Variants in CDK19 observed in about 807,000 individuals in gnomAD.
The protein encoded by CDK19 is cyclin-dependent kinase 19.
In CDK19, 20 loss-of-function variants were observed where a neutral mutation model predicts 68.3. The ratio of observed to expected loss-of-function variants is 0.29; its 90% CI spans 0.21 to 0.43. The LOEUF (loss-of-function observed/expected upper bound fraction) is 0.43. Among genes scored for constraint, CDK19 ranks in the 20% least tolerant of loss-of-function variants. CDK19 has a pLI of 1.00. For missense variants in CDK19, 339 were observed against 623.5 expected, an observed-to-expected ratio of 0.54 and a Z score of 4.86; for synonymous variants, 221 against 222.8, an observed-to-expected ratio of 0.99 and a Z score of 0.07.
rs1002809745 is a variant in CDK19, at chr6:110,614,050, A to G, written c.*485T>C. The stretch of plus-strand genomic sequence containing the variant: ...TGTTTAAGACTTCCATGAGCAGAAC[A>G]GTTATTGTCTGTGAAAACGTAGTGC... On this transcript the variant is annotated 3_prime_UTR_variant, in exon 13 of 13. Coordinates refer to ENST00000368911, the MANE Select transcript of CDK19 (RefSeq NM_015076.5). 5.9e-5 allele frequency: 9 copies of G among 152,992 alleles called. No individual in the cohort carries two copies. The highest frequency in any genetic ancestry group is 2.2e-4 in the African/African-American group (9 of 41,466). 9.5% of individuals were successfully genotyped at this position (152,992 alleles called of 1,614,324 possible).
At chr6:110,791,027 C>T (rs894989554) in intron 1 of CDK19, among the ~76,000 whole-genome samples, 7 of 151,828 alleles carry the variant, frequency 4.6e-5, no homozygotes, top group African/African-American at 1.4e-4. Flanking sequence ...AAAAATTAGC[C>T]GGGCATGGTG....
chr6:110,796,746 C>T (rs745540033), intron 1 of CDK19, among the ~76,000 whole-genome samples: 14 of 150,538 alleles, frequency 9.3e-5, no homozygotes, highest in African/African-American at 1.2e-4. Context: ...CGGTGACTCA[C>T]GCCTGTAATC....
In CDK19 at chr6:110,612,895, T is replaced by C. The variant is rs1165337816; in HGVS notation, c.*1640A>G. 1.3e-5 allele frequency: 2 copies of C among 152,670 alleles called. No individual in the cohort carries two copies. The highest frequency in any genetic ancestry group is 2.4e-5 in the African/African-American group (1 of 41,464). 9.5% of individuals were successfully genotyped at this position (152,670 alleles called of 1,614,324 possible). On this transcript the variant is annotated 3_prime_UTR_variant, in exon 13 of 13. Coordinates refer to ENST00000368911, the MANE Select transcript of CDK19 (RefSeq NM_015076.5). ...AGTATCACATCAATAGTGCAAAATG[T>C]ATACTGGCTTCTGTCTAATCTTATT...
At chr6:110,758,938 T>C (rs1236382380) in intron 1 of CDK19, among the ~76,000 whole-genome samples, 3 of 151,316 alleles carry the variant, frequency 2.0e-5, no homozygotes, top group East Asian at 2.0e-4. Flanking sequence ...ATCTCAAATA[T>C]AAATATCAAT....
intron 3 of CDK19, among the ~76,000 whole-genome samples, chr6:110,668,398 T>C (rs1782078910): frequency 6.6e-6 from 1 of 152,228 alleles, no homozygotes; most frequent in Admixed American, 6.5e-5. Flanking sequence ...TATACAGCTT[T>C]TTTATTTTTA....
chr6:110,815,590 G>GC (rs112089514), upstream of CDK19: 4,322 of 153,988 alleles, frequency 0.028, 85 homozygotes, highest in South Asian at 0.08. Flanking sequence ...CCACAGCCTC[G>GC]CCCCCACAAA....
At chr6:110,783,961 A>G (rs1583093320) in intron 1 of CDK19, among the ~76,000 whole-genome samples, 2 of 152,010 alleles carry the variant, frequency 1.3e-5, no homozygotes. Context: ...GGAGTTCGAG[A>G]CCAGCCTGGC....
intron 2 of CDK19, among the ~76,000 whole-genome samples, chr6:110,711,680 A>G (rs1463133374): frequency 6.6e-6 from 1 of 151,782 alleles, no homozygotes; most frequent in East Asian, 1.9e-4. Context: ...TAAATAGATT[A>G]CAATGGGTTG....
chr6:110,623,447 C>T (rs987293365), intron 8 of CDK19, 85 bp from the exon 9 acceptor site: 5 of 1,547,766 alleles, frequency 3.2e-6, no homozygotes, highest in Non-Finnish European at 4.4e-6. Context: ...ATTGGCTTTC[C>T]TATAAGGTAT....
chr6:110,753,893 C>T (rs1205718009), intron 1 of CDK19, among the ~76,000 whole-genome samples: 1 of 152,072 alleles, frequency 6.6e-6, no homozygotes, highest in Non-Finnish European at 1.5e-5. Flanking sequence ...AATATTTCCC[C>T]AAGCTTCTTA....
chr6:110,815,112 G>C lies in CDK19; in HGVS notation c.25C>G (p.Leu9Val). 6.2e-7 allele frequency: 1 copy of C among 1,601,954 alleles called. No individual in the cohort carries two copies. Among genetic ancestry groups the C allele is most frequent in the Non-Finnish European group, 8.5e-7 (1 of 1,175,296 alleles). Residue 9 changes from leucine to valine, a missense_variant, in exon 1 of 13, where the codon CTG (leucine) becomes GTG (valine). Physicochemically the swap from Leu to Val is conservative, Grantham distance 32. Around this residue, in one of 4 missense-constraint regions of CDK19, gnomAD observed 120 missense variants for 224.0 expected, o/e 0.54. Transcript: ENST00000368911. MDYDFKAK[L>V]AAERERVEDL... ...TCCACCCGCTCCCGCTCCGCCGCCAGCTTCGCCTTGAAATCATAATCCATT... is the reference window on the plus strand; with the variant it reads ...TCCACCCGCTCCCGCTCCGCCGCCACCTTCGCCTTGAAATCATAATCCATT...
Position 110,621,464 on chromosome 6 carries a change from T to G in CDK19, c.1111-94A>C. 1 of 1,249,594 alleles carries G rather than the reference T, an allele frequency of 8.0e-7. No homozygotes were observed. The highest frequency in any genetic ancestry group is 1.1e-6 in the Non-Finnish European group (1 of 897,852). The allele number at this position is 1,249,594 out of a possible 1,614,324, so 77.4% of individuals were successfully genotyped here. On this transcript the variant is annotated intron_variant, in intron 11 of 12. Transcript: ENST00000368911. The surrounding 1 kb of genome is among the most constrained non-coding windows in gnomAD (Gnocchi z 5.4). The stretch of plus-strand genomic sequence containing the variant: ...ATGCACATGTGGCTGCTGACCAACC[T>G]GGGGGAGCAATCTATGTGGGACACT...
chr6:110,710,989 G>C (rs1446929941), intron 2 of CDK19, among the ~76,000 whole-genome samples: 1 of 152,110 alleles, frequency 6.6e-6, no homozygotes, highest in East Asian at 1.9e-4. Flanking sequence ...TCTATAATAA[G>C]AGCTTACAAT....
intron 2 of CDK19, among the ~76,000 whole-genome samples, chr6:110,674,926 C>T (rs1771364633): frequency 6.6e-6 from 1 of 151,348 alleles, no homozygotes; most frequent in African/African-American, 2.4e-5. Context: ...AAGACAAAGC[C>T]TAATCCAGAA....
At chr6:110,665,427 A>G (rs1015267069) in intron 4 of CDK19, among the ~76,000 whole-genome samples, 1 of 152,234 alleles carries the variant, frequency 6.6e-6, no homozygotes, top group African/African-American at 2.4e-5. Flanking sequence ...ACACTAAAGC[A>G]GCAGCAAATC....
chr6:110,688,198 T>C (rs927942986), intron 2 of CDK19, among the ~76,000 whole-genome samples: 1 of 151,936 alleles, frequency 6.6e-6, no homozygotes, highest in South Asian at 2.1e-4. Context: ...CCAGCCTGGC[T>C]AACATGGCGA....
In CDK19 at chr6:110,614,520, C is replaced by T. The variant is rs948916514; in HGVS notation, c.*15G>A. 11 of 1,612,150 alleles carry T rather than the reference C, an allele frequency of 6.8e-6. No homozygotes were observed. Among genetic ancestry groups the T allele is most frequent in the African/African-American group, 2.7e-5 (2 of 74,832 alleles). ...TGTGCTCTGGGCTGGGCTGGCCTGG[C>T]CCAACGGGAGCTGGTCAGTACCGGT... On this transcript the variant is annotated 3_prime_UTR_variant, in exon 13 of 13. Transcript: ENST00000368911.
intron 2 of CDK19, among the ~76,000 whole-genome samples, chr6:110,683,751 G>GA (rs1298442153): frequency 1.3e-5 from 2 of 149,218 alleles, no homozygotes; most frequent in African/African-American, 4.9e-5. Context: ...TGCCAGGCTG[G>GA]AGTACAGTGG....
intron 1 of CDK19, among the ~76,000 whole-genome samples, chr6:110,780,999 A>G (rs984567064): frequency 3.9e-5 from 6 of 152,220 alleles, no homozygotes; most frequent in Non-Finnish European, 8.8e-5. Context: ...ACTACATAGC[A>G]TTATGTAGTT....
Sources: allele counts gnomAD v4.1 joint callset (sites outside exome capture counted in the v4.1 genomes callset), GRCh38; gene constraint gnomAD v4.1.1; regional missense constraint gnomAD v4.1.1; non-coding constraint Gnocchi (gnomAD v3.1); transcripts MANE v1.5; gene names NCBI Gene and HGNC (gene_info 2026-07-23, HGNC 2026-07-21).